Variants in RPE65 observed in about 807,000 individuals in gnomAD.
RPE65 encodes retinoid isomerohydrolase RPE65, also known as retinoid isomerohydrolase.
Under a neutral mutation model 68.5 loss-of-function variants are expected in RPE65, and 58 were observed. That is an observed-to-expected ratio of 0.85 (90% CI 0.69 to 1.05). The LOEUF is 1.05. Among genes scored for constraint, RPE65 ranks in the 50% least tolerant of loss-of-function variants. The pLI is 0.00. For synonymous variants in RPE65, 220 were observed against 222.2 expected (o/e 0.99, Z 0.09); for missense variants, 643 against 629.9 (o/e 1.02, Z -0.22).
At chr1:68,440,721 T>C in intron 6 of RPE65, 132 bp downstream of exon 6, 1 of 1,160,488 alleles carries the variant, frequency 8.6e-7, no homozygotes, top group Non-Finnish European at 1.2e-6. Flanking sequence ...ATGAGGGCAG[T>C]ACTTCTGAAG....
Position 68,438,963 on chromosome 1 carries a change from A to C in RPE65, c.977T>G (p.Val326Gly). 6.2e-7 allele frequency: 1 copy of C among 1,614,082 alleles called. No individual in the cohort carries two copies. Among genetic ancestry groups the C allele is most frequent in the Non-Finnish European group, 8.5e-7 (1 of 1,179,952 alleles). ...NTYEDNGFLI[V>G]DLCCWKGFEF... is the part of the protein sequence containing the mutation. The stretch of plus-strand genomic sequence containing the variant: ...TTACCCTTTCCAGCAGCAGAGATCC[A>C]CAATCAGAAACCCATTGTCTTCATA... The change falls in exon 9 of 14, where the codon GTG becomes GGG. Residue 326 changes from valine to glycine, a missense_variant. Physicochemically the swap from Val to Gly is moderately radical, Grantham distance 109 (BLOSUM62 -3). Transcript: ENST00000262340.
Position 68,444,684 on chromosome 1 carries a change from A to G in RPE65, c.354-12T>C. The G allele has an allele frequency of 2.5e-6, 4 of 1,614,164 alleles. No individual in the cohort carries two copies. Among genetic ancestry groups the G allele is most frequent in the Non-Finnish European group, 3.4e-6 (4 of 1,180,012 alleles). ...AGTAAGAAAAAAACCTGTAGAAACA[A>G]ATGAATTTTTCAGTCCAGTAATTTT... On this transcript the variant is annotated splice_polypyrimidine_tract_variant and intron_variant, in intron 4 of 13. Transcript: ENST00000262340.
intron 8 of RPE65, 53 bp downstream of exon 8, chr1:68,439,138 T>C (rs1645881613): frequency 6.2e-7 from 1 of 1,613,986 alleles, no homozygotes; most frequent in East Asian, 2.2e-5. Flanking sequence ...GTGTACATTA[T>C]TAAACACATC....
intron 10 of RPE65, among the ~76,000 whole-genome samples, chr1:68,433,738 G>GCCC (rs1645841896): frequency 6.6e-6 from 1 of 152,126 alleles, no homozygotes; most frequent in Admixed American, 6.5e-5. Flanking sequence ...TCTGCACTTA[G>GCCC]TTCAGCCTCA....
Position 68,431,352 on chromosome 1 carries a change from T to C in RPE65, c.1268A>G (p.Tyr423Cys). Residue 423 changes from tyrosine to cysteine, a missense_variant, in exon 12 of 14, where the codon TAC (tyrosine) becomes TGC (cysteine). Transcript: ENST00000262340. ...RQAFEFPQINYQKYCGKPYTY... is the reference protein window; with the variant it reads ...RQAFEFPQINCQKYCGKPYTY... ...GTAAGGTTTCCCACAATACTTCTGG[T>C]AATTGATTTGAGGAAACTCAAATGC... 6.2e-7 allele frequency: 1 copy of C among 1,613,966 alleles called. No homozygotes were observed. The highest frequency in any genetic ancestry group is 1.1e-5 in the South Asian group (1 of 91,080).
chr1:68,448,550 G>T, intron 2 of RPE65, 74 bp downstream of exon 2: 1 of 1,417,620 alleles, frequency 7.1e-7, no homozygotes, highest in African/African-American at 1.4e-5. Flanking sequence ...TGCACTGAGA[G>T]ACGCCAAGGA....
chr1:68,442,720 A>G (rs1016352788), intron 5 of RPE65, among the ~76,000 whole-genome samples: 1 of 152,244 alleles, frequency 6.6e-6, no homozygotes, highest in Non-Finnish European at 1.5e-5. Context: ...TAATTAAAAT[A>G]TCATGTAATT....
At chr1:68,430,228 C>G (rs1425744983) in intron 13 of RPE65, among the ~76,000 whole-genome samples, 1 of 152,184 alleles carries the variant, frequency 6.6e-6, no homozygotes, top group Non-Finnish European at 1.5e-5. Context: ...TCATTAAATA[C>G]TCACTGAATA....
chr1:68,432,206 A>G (rs1341607582), intron 10 of RPE65, among the ~76,000 whole-genome samples: 3 of 152,116 alleles, frequency 2.0e-5, no homozygotes, highest in Admixed American at 6.5e-5. Context: ...ACTTGATTAC[A>G]TATTTTATTC....
rs1645944839 is a variant in RPE65, at chr1:68,446,645, A to G, written c.245+65T>C. 4 of 1,606,326 alleles carry G rather than the reference A, an allele frequency of 2.5e-6. No homozygotes were observed. The East Asian group carries it at 8.9e-5, about 36-fold the overall frequency. On this transcript the variant is annotated intron_variant, in intron 3 of 13. Transcript: ENST00000262340. ...CCTGAGTTCAGAGGTGAAAACTCAC[A>G]TGGGAGGAGGAGCCAAGCTAGGCCC...
intron 5 of RPE65, among the ~76,000 whole-genome samples, chr1:68,443,214 GA>G (rs1437206907): frequency 3.9e-5 from 6 of 152,170 alleles, no homozygotes; most frequent in Non-Finnish European, 7.3e-5. Flanking sequence ...TATTCCCCTT[GA>G]CATTAACTAC....
chr1:68,442,650 C>T (rs1286567166), intron 5 of RPE65, among the ~76,000 whole-genome samples: 2 of 152,196 alleles, frequency 1.3e-5, no homozygotes, highest in Non-Finnish European at 1.5e-5. Flanking sequence ...GTGCTAGTAA[C>T]AGTGGAACCT....
At chr1:68,444,909 G>A (rs1417682975) in intron 3 of RPE65, 26 bp from the exon 4 acceptor site, 1 of 1,604,394 alleles carries the variant, frequency 6.2e-7, no homozygotes, top group African/African-American at 1.3e-5. Flanking sequence ...ACATAGGGAA[G>A]AGTATAGACA....
intron 2 of RPE65, 142 bp from the exon 3 acceptor site, chr1:68,447,002 G>C: frequency 2.8e-6 from 3 of 1,071,910 alleles, no homozygotes; most frequent in Non-Finnish European, 4.2e-6. Context: ...TCCAGCCCTC[G>C]CGCTGGACAG....
At position 68,431,298 on chromosome 1, in the gene RPE65, T is replaced by C. The variant is rs1645824226; in HGVS notation, c.1322A>G (p.His441Arg). Residue 441 changes from histidine to arginine, a missense_variant, in exon 12 of 14, where the codon CAC becomes CGC. By Grantham distance (29) the His-to-Arg change is conservative (BLOSUM62 0). Coordinates refer to ENST00000262340, the MANE Select transcript of RPE65 (RefSeq NM_000329.3). ...ATTAATTACCCTATCTGGAACAAAG[T>C]GATTCAAGCCAAGTCCATACGCATA... ...YTYAYGLGLN[H>R]FVPDRLCKLN... 1 of 1,613,936 alleles carries C rather than the reference T, an allele frequency of 6.2e-7. No individual in the cohort carries two copies.
intron 3 of RPE65, among the ~76,000 whole-genome samples, chr1:68,445,443 G>T (rs774254593): frequency 7.2e-5 from 11 of 151,980 alleles, no homozygotes; most frequent in Non-Finnish European, 1.6e-4. Context: ...TCTTAGAGTA[G>T]ACAGCATACT....
Position 68,429,872 on chromosome 1 carries a change from G to C in RPE65, c.1506C>G (p.Leu502=). ...TTAAGTCCTTGGCATTCAGAATCAG[G>C]AGATAAGCAGGCTTTTGTCCTGCTC... The part of the protein sequence containing the change: ...SPGAGQKPAY[L]LILNAKDLSE... The change falls in exon 14 of 14, where the codon CTC becomes CTG. Residue 502 remains leucine, a synonymous_variant. Transcript: ENST00000262340. The C allele has an allele frequency of 6.2e-7, 1 of 1,613,808 alleles. No homozygotes were observed. The highest frequency in any genetic ancestry group is 1.7e-5 in the Admixed American group (1 of 59,978).
intron 10 of RPE65, among the ~76,000 whole-genome samples, chr1:68,435,392 C>G (rs1645854006): frequency 6.6e-6 from 1 of 152,088 alleles, no homozygotes; most frequent in African/African-American, 2.4e-5. Context: ...TGCCTGCAGT[C>G]TTATCTCTCT....
At chr1:68,449,500 A>T (rs1645967142) in intron 1 of RPE65, among the ~76,000 whole-genome samples, 1 of 152,216 alleles carries the variant, frequency 6.6e-6, no homozygotes, top group South Asian at 2.1e-4. Context: ...GCATGGTATT[A>T]TCTCTTTTAA....
Sources: allele counts gnomAD v4.1 joint callset (sites outside exome capture counted in the v4.1 genomes callset), GRCh38; gene constraint gnomAD v4.1.1; transcripts MANE v1.5; gene names NCBI Gene and HGNC (gene_info 2026-07-23, HGNC 2026-07-21).